Variants in TAS1R1 observed in about 807,000 individuals in gnomAD.
TAS1R1 encodes the protein taste 1 receptor member 1.
A neutral mutation model predicts 45.8 loss-of-function variants in TAS1R1; 31 were observed. The ratio of observed to expected loss-of-function variants is 0.68; its 90% CI spans 0.51 to 0.91. The LOEUF (loss-of-function observed/expected upper bound fraction) is 0.91, where lower values mean the gene tolerates loss of function less well. Among genes scored for constraint, TAS1R1 ranks in the 40% least tolerant of loss-of-function variants. TAS1R1 has a pLI of 0.00. For synonymous variants in TAS1R1, 437 were observed against 448.4 expected (o/e 0.97, Z 0.32); for missense variants, 1,051 against 1,063.9 (o/e 0.99, Z 0.17).
intron 2 of TAS1R1, among the ~76,000 whole-genome samples, chr1:6,572,033 G>A (rs561135814): frequency 6.6e-6 from 1 of 152,080 alleles, no homozygotes; most frequent in East Asian, 1.9e-4. Context: ...CCTTCCCCAT[G>A]GGTTCCTGCC....
At chr1:6,572,784 C>A (rs1436248340) in intron 2 of TAS1R1, among the ~76,000 whole-genome samples, 1 of 152,118 alleles carries the variant, frequency 6.6e-6, no homozygotes, top group African/African-American at 2.4e-5. Context: ...ATTCTCAGTC[C>A]CCTCCCCTCT....
intron 1 of TAS1R1, among the ~76,000 whole-genome samples, chr1:6,556,527 A>T (rs886108095): frequency 5.3e-5 from 8 of 151,884 alleles, no homozygotes; most frequent in African/African-American, 1.9e-4. Flanking sequence ...TAGCCTCGGG[A>T]GTAGCTGGAA....
rs1206700995 is a variant in TAS1R1, at chr1:6,571,128, C to T, written c.411C>T (p.Ser137=). ...IELQGDLLHY[S]PTVLAVIGPD... The stretch of plus-strand genomic sequence containing the variant: ...TCCAAGGAGACCTTCTCCACTATTC[C>T]CCTACGGTGCTGGCAGTGATTGGGC... Residue 137 remains serine, a synonymous_variant, in exon 2 of 6, where the codon TCC becomes TCT. Coordinates refer to ENST00000333172, the MANE Select transcript of TAS1R1 (RefSeq NM_138697.4). 9 of 1,613,360 alleles carry T rather than the reference C, an allele frequency of 5.6e-6. No homozygotes were observed. Among genetic ancestry groups the T allele is most frequent in the Admixed American group, 1.7e-5 (1 of 59,964 alleles).
intron 1 of TAS1R1, among the ~76,000 whole-genome samples, chr1:6,570,531 A>G (rs1213425793): frequency 1.2e-4 from 18 of 151,940 alleles, no homozygotes; most frequent in Non-Finnish European, 2.1e-4. Context: ...ACTGAAGAGC[A>G]TAGTAACATC....
chr1:6,572,120 G>T (rs1640033391), intron 2 of TAS1R1, among the ~76,000 whole-genome samples: 1 of 152,012 alleles, frequency 6.6e-6, no homozygotes, highest in Non-Finnish European at 1.5e-5. Flanking sequence ...CCCTTCCCAT[G>T]GGAGTTTCCT....
chr1:6,563,418 C>T (rs1479125249), intron 1 of TAS1R1, among the ~76,000 whole-genome samples: 1 of 152,152 alleles, frequency 6.6e-6, no homozygotes, highest in Non-Finnish European at 1.5e-5. Flanking sequence ...GATATAGGAG[C>T]GTAAAAGTTG....
At chr1:6,562,100 T>C (rs965226734) in intron 1 of TAS1R1, among the ~76,000 whole-genome samples, 5 of 152,192 alleles carry the variant, frequency 3.3e-5, no homozygotes, top group African/African-American at 1.2e-4. Flanking sequence ...AACATATGGC[T>C]ACTTGAGATA....
Position 6,574,301 on chromosome 1 carries a change from C to T in TAS1R1, c.499-330C>T, listed in dbSNP as rs1485599195. 6.6e-6 allele frequency among the ~76,000 whole-genome samples: 1 copy of T among 152,212 alleles called. No individual in the cohort carries two copies. The highest frequency in any genetic ancestry group is 2.4e-5 in the African/African-American group (1 of 41,432). On this transcript the variant is annotated intron_variant, in intron 2 of 5. Transcript: ENST00000333172. The surrounding 1 kb of genome is among the most constrained non-coding windows in gnomAD (Gnocchi z 4.3). ...AACAGGCCACTGACCTAACTTCTGCCCTGACCTACACATGCTTCTCTTCTT... is the reference window on the plus strand; with the variant it reads ...AACAGGCCACTGACCTAACTTCTGCTCTGACCTACACATGCTTCTCTTCTT...
chr1:6,578,543 G>A (rs1640253211), intron 5 of TAS1R1, 110 bp from the exon 6 acceptor site: 3 of 1,497,860 alleles, frequency 2.0e-6, no homozygotes, highest in South Asian at 1.4e-5. Flanking sequence ...ACTATGCCTA[G>A]TATAGTCTAG....
chr1:6,578,513 C>T (rs1315257425), intron 5 of TAS1R1, 140 bp from the exon 6 acceptor site: 2 of 1,431,110 alleles, frequency 1.4e-6, no homozygotes, highest in Admixed American at 3.0e-5. Flanking sequence ...TCAGGCCCCA[C>T]TCCCGGCTAC....
intron 1 of TAS1R1, among the ~76,000 whole-genome samples, chr1:6,569,634 G>A (rs991636499): frequency 6.6e-6 from 1 of 152,144 alleles, no homozygotes; most frequent in Non-Finnish European, 1.5e-5. Flanking sequence ...GCAGGCAGTG[G>A]AAGGAGAGAC....
chr1:6,576,389 G>A, intron 3 of TAS1R1, 26 bp from the exon 4 acceptor site: 2 of 1,612,486 alleles, frequency 1.2e-6, no homozygotes, highest in Non-Finnish European at 1.7e-6. Flanking sequence ...TGTCTGTGGT[G>A]GCTTCATGAT....
chr1:6,571,258 A>G, intron 2 of TAS1R1, 43 bp downstream of exon 2: 2 of 1,523,112 alleles, frequency 1.3e-6, no homozygotes, highest in Non-Finnish European at 1.8e-6. Flanking sequence ...CCTTCAGGCA[A>G]GTCTGGGCTG....
intron 1 of TAS1R1, among the ~76,000 whole-genome samples, chr1:6,556,361 G>A (rs1341813202): frequency 6.7e-6 from 1 of 148,298 alleles, no homozygotes; most frequent in Non-Finnish European, 1.5e-5. Context: ...TCTAGGTAGA[G>A]GGAAACTACT....
intron 1 of TAS1R1, among the ~76,000 whole-genome samples, chr1:6,565,900 G>A (rs1018938409): frequency 1.3e-5 from 2 of 152,188 alleles, no homozygotes; most frequent in African/African-American, 4.8e-5. Context: ...CTTAGAGGAG[G>A]GTGGGGGTAG....
At chr1:6,557,129 G>A (rs1473927666) in intron 1 of TAS1R1, among the ~76,000 whole-genome samples, 1 of 151,294 alleles carries the variant, frequency 6.6e-6, no homozygotes, top group Non-Finnish European at 1.5e-5. Context: ...TGAAGCACAC[G>A]AGATGGTTGG....
At chr1:6,556,028 C>T (rs1402616082) in intron 1 of TAS1R1, among the ~76,000 whole-genome samples, 2 of 152,106 alleles carry the variant, frequency 1.3e-5, no homozygotes, top group East Asian at 1.9e-4. Flanking sequence ...CCCGCCACTG[C>T]GCCCAGCTAA....
chr1:6,556,851 A>G (rs1639695257), intron 1 of TAS1R1, among the ~76,000 whole-genome samples: 1 of 151,948 alleles, frequency 6.6e-6, no homozygotes, highest in Non-Finnish European at 1.5e-5. Flanking sequence ...TCTACATAAA[A>G]TACAACACAT....
chr1:6,556,919 A>G (rs1334978832), intron 1 of TAS1R1, among the ~76,000 whole-genome samples: 2 of 150,156 alleles, frequency 1.3e-5, no homozygotes, highest in Non-Finnish European at 3.0e-5. Context: ...CTGAGGCAGG[A>G]GAATCGCATG....
Sources: gnomAD v4.1 joint callset for allele counts (sites outside exome capture counted in the v4.1 genomes callset) on GRCh38, gnomAD v4.1.1 for gene constraint, Gnocchi (gnomAD v3.1) non-coding constraint, MANE v1.5 for transcripts, NCBI Gene and HGNC (gene_info 2026-07-23, HGNC 2026-07-21) for gene names.